PADI1: variants seen among roughly 807,000 people sequenced by gnomAD.
PADI1 encodes protein-arginine deiminase type-1.
A neutral mutation model predicts 74.8 loss-of-function variants in PADI1; 65 were observed. That is an observed-to-expected ratio of 0.87 (90% CI 0.71 to 1.07). The LOEUF is 1.07. PADI1 is among the 50% of genes least tolerant of loss of function. The pLI, the probability that PADI1 is intolerant of heterozygous loss-of-function variation, is 0.00. For synonymous variants in PADI1, 371 were observed against 336.2 expected, an observed-to-expected ratio of 1.10 and a Z score of -1.13; for missense variants, 943 against 854.0, an observed-to-expected ratio of 1.10 and a Z score of -1.30.
chr1:17,229,812 C>T (rs1212908056), intron 8 of PADI1, among the ~76,000 whole-genome samples: 1 of 152,234 alleles, frequency 6.6e-6, no homozygotes, highest in African/African-American at 2.4e-5. Context: ...CCTCAGGTCA[C>T]CTCTGTGGCG....
In PADI1 at chr1:17,244,649, G is replaced by C; in HGVS notation, c.*406G>C. ...CTGGAACGGGGCCTGGGGGACCTGGGGTCTGGTGTGCCAGGCACCAGGCTG... is the reference window on the plus strand; with the variant it reads ...CTGGAACGGGGCCTGGGGGACCTGGCGTCTGGTGTGCCAGGCACCAGGCTG... On this transcript the variant is annotated 3_prime_UTR_variant, in exon 16 of 16. Coordinates refer to ENST00000375471, the MANE Select transcript of PADI1 (RefSeq NM_013358.3). 2.8e-6 allele frequency: 1 copy of C among 358,298 alleles called. No individual in the cohort carries two copies. Among genetic ancestry groups the C allele is most frequent in the East Asian group, 7.4e-5 (1 of 13,542 alleles). The allele number at this position is 358,298 out of a possible 1,614,324, so 22.2% of individuals were successfully genotyped here.
intron 15 of PADI1, among the ~76,000 whole-genome samples, chr1:17,243,265 C>T (rs763540872): frequency 3.3e-5 from 5 of 152,214 alleles, no homozygotes; most frequent in Non-Finnish European, 5.9e-5. Context: ...AAGCCAGGTC[C>T]GCAACCAAGG....
intron 4 of PADI1, among the ~76,000 whole-genome samples, chr1:17,225,213 C>G (rs952359343): frequency 1.3e-5 from 2 of 152,214 alleles, no homozygotes; most frequent in Non-Finnish European, 2.9e-5. Flanking sequence ...AGAACCTCCC[C>G]GCACCCTTCT....
intron 10 of PADI1, among the ~76,000 whole-genome samples, chr1:17,232,574 A>G (rs4309027): frequency 0.3 from 46,113 of 152,144 alleles, 7,525 homozygotes; most frequent in African/African-American, 0.41. Context: ...CTTTAGATGT[A>G]TACTGCTTAA....
intron 11 of PADI1, among the ~76,000 whole-genome samples, chr1:17,236,074 C>A (rs1465264574): frequency 6.6e-6 from 1 of 152,172 alleles, no homozygotes; most frequent in East Asian, 1.9e-4. Flanking sequence ...GAACCCAGGT[C>A]TCCTTCTACC....
Position 17,205,167 on chromosome 1 carries a change from G to C in PADI1, c.-51G>C. The C allele has an allele frequency of 1.4e-6, 2 of 1,459,478 alleles. No individual in the cohort carries two copies. Among genetic ancestry groups the C allele is most frequent in the Non-Finnish European group, 1.9e-6 (2 of 1,041,700 alleles). 90.4% of individuals were successfully genotyped at this position (1,459,478 alleles called of 1,614,324 possible). A position where few individuals can be genotyped will look rare whatever the true frequency, so the allele number is the denominator to read the frequency against. On this transcript the variant is annotated 5_prime_UTR_variant, in exon 1 of 16. Coordinates refer to ENST00000375471, the MANE Select transcript of PADI1 (RefSeq NM_013358.3). The stretch of plus-strand genomic sequence containing the variant: ...TTCCTGGCAAAGAAGTGCCCAGGAC[G>C]GGAGCTGGGGAGCCAGGGCTGATCT...
At position 17,225,867 on chromosome 1, in the gene PADI1, C is replaced by CAGCTCTG. The variant is rs780290399; in HGVS notation, c.465_466insAGCTCTG (p.Arg156SerfsTer12). On this transcript the variant is annotated frameshift_variant, in exon 5 of 16. Coordinates refer to ENST00000375471, the MANE Select transcript of PADI1 (RefSeq NM_013358.3). LOFTEE classifies it high-confidence loss of function. ...GGGCTATCTTGCTGGTGAACTGTGACCGGGACAATCACAGGTCCGCAGAGC... is the reference window on the plus strand; with the variant it reads ...GGGCTATCTTGCTGGTGAACTGTGACAGCTCTGCGGGACAATCACAGGTCCGCAGAGC... 2.8e-5 allele frequency: 45 copies of CAGCTCTG among 1,614,116 alleles called. No individual in the cohort carries two copies. In the Middle Eastern group the frequency reaches 4.9e-4, roughly 18 times the overall value.
intron 15 of PADI1, among the ~76,000 whole-genome samples, chr1:17,242,266 C>T (rs1278719068): frequency 3.9e-5 from 6 of 152,120 alleles, no homozygotes; most frequent in Non-Finnish European, 4.4e-5. Context: ...TTGAGAACCA[C>T]GGCTTGAAGG....
In PADI1 at chr1:17,241,940, G is replaced by C. The variant is rs2072786777; in HGVS notation, c.1758+1180G>C. On this transcript the variant is annotated intron_variant, in intron 15 of 15. Coordinates refer to ENST00000375471, the MANE Select transcript of PADI1 (RefSeq NM_013358.3). ...GAATCAGGGTTGGAAGTGAATGTCG[G>C]AATCGGCATGGAATCAGGGTTGGAA... Among the ~76,000 whole-genome samples the C allele has an allele frequency of 2.0e-5, 3 of 152,064 alleles. No homozygotes were observed. The South Asian group carries it at 6.2e-4, about 32-fold the overall frequency.
At chr1:17,225,790 A>T in intron 4 of PADI1, 21 bp from the exon 5 acceptor site, 1 of 1,595,926 alleles carries the variant, frequency 6.3e-7, no homozygotes, top group Middle Eastern at 1.7e-4. Flanking sequence ...ACTGATCCCA[A>T]GGCATCTTAT....
Position 17,235,352 on chromosome 1 carries a change from C to T in PADI1, c.1314-1962C>T, listed in dbSNP as rs141682281. On this transcript the variant is annotated intron_variant, in intron 11 of 15. Transcript: ENST00000375471. Reference sequence around the variant, plus strand: ...GGACCATGTTGCAGGCAGAGGGAAGCGCTCAGGCAGAAGCCTGGAAGCCAG... The same window carrying T: ...GGACCATGTTGCAGGCAGAGGGAAGTGCTCAGGCAGAAGCCTGGAAGCCAG... 7.4e-5 allele frequency among the ~76,000 whole-genome samples: 11 copies of T among 147,804 alleles called. 1 individual carries two copies. The highest frequency in any genetic ancestry group is 2.3e-4 in the African/African-American group (9 of 39,474).
chr1:17,218,906 G>A (rs901224760), intron 1 of PADI1, among the ~76,000 whole-genome samples: 1 of 152,134 alleles, frequency 6.6e-6, no homozygotes, highest in South Asian at 2.1e-4. Flanking sequence ...AGGAGGGCTG[G>A]GAGATGAGGT....
At chr1:17,215,777 C>G (rs543916192) in intron 1 of PADI1, among the ~76,000 whole-genome samples, 1 of 152,282 alleles carries the variant, frequency 6.6e-6, no homozygotes, top group Admixed American at 6.5e-5. Flanking sequence ...AGGCACTAAG[C>G]TGGATGCAGA....
chr1:17,238,534 C>T (rs2072702836), intron 12 of PADI1, 82 bp from the exon 13 acceptor site: 2 of 615,898 alleles, frequency 3.2e-6, no homozygotes, highest in Non-Finnish European at 5.1e-6. Context: ...AACTGTCAGG[C>T]CCCTCCTGAG....
At chr1:17,239,663 C>T (rs1441854045) in intron 13 of PADI1, 41 bp from the exon 14 acceptor site, 5 of 1,469,566 alleles carry the variant, frequency 3.4e-6, no homozygotes, top group African/African-American at 1.4e-5. Flanking sequence ...GGCCTCCAGG[C>T]AGTGCTCCCT....
chr1:17,233,608 C>A (rs907775936), intron 11 of PADI1, among the ~76,000 whole-genome samples: 1 of 152,226 alleles, frequency 6.6e-6, no homozygotes, highest in Non-Finnish European at 1.5e-5. Flanking sequence ...TGCAGGTAAC[C>A]AAAGAATGAC....
chr1:17,210,091 C>T (rs549974049), intron 1 of PADI1, among the ~76,000 whole-genome samples: 3 of 152,270 alleles, frequency 2.0e-5, no homozygotes, highest in Non-Finnish European at 2.9e-5. Flanking sequence ...CTGCCCACCT[C>T]GGCCTCCCAA....
intron 8 of PADI1, among the ~76,000 whole-genome samples, chr1:17,229,840 T>C: frequency 6.6e-6 from 1 of 152,238 alleles, no homozygotes; most frequent in Non-Finnish European, 1.5e-5. Context: ...TGACTCCCTG[T>C]GCTGGGTTAG....
rs764561965 is a variant in PADI1, at chr1:17,222,335, CG to C, written c.142del (p.Val48TrpfsTer12). 1 of 1,614,002 alleles carries C rather than the reference CG, an allele frequency of 6.2e-7. No homozygotes were observed. The highest frequency in any genetic ancestry group is 8.5e-7 in the Non-Finnish European group (1 of 1,179,904). On this transcript the variant is annotated frameshift_variant, in exon 2 of 16. Coordinates refer to ENST00000375471, the MANE Select transcript of PADI1 (RefSeq NM_013358.3). LOFTEE classifies it high-confidence loss of function. The part of the protein sequence containing the change: ...ANSFRVSGSS[G>X]VEVFMVYNRT... Reference sequence around the variant, plus strand: ...ACAGCTTCAGGGTCTCTGGAAGCTCCGGGGTGGAGGTCTTCATGGTCTACAA... The same window carrying C: ...ACAGCTTCAGGGTCTCTGGAAGCTCCGGGTGGAGGTCTTCATGGTCTACAA...
Sources: gnomAD v4.1 joint callset for allele counts (sites outside exome capture counted in the v4.1 genomes callset) on GRCh38, gnomAD v4.1.1 for gene constraint, MANE v1.5 for transcripts, NCBI Gene and HGNC (gene_info 2026-07-23, HGNC 2026-07-21) for gene names.